The following MCF2L2 variants were observed in gnomAD, a reference collection of about 807,000 sequenced individuals.
MCF2L2 encodes the protein probable guanine nucleotide exchange factor MCF2L2.
Under a neutral mutation model 150.2 loss-of-function variants are expected in MCF2L2, and 102 were observed. The ratio of observed to expected loss-of-function variants is 0.68; its 90% CI spans 0.58 to 0.80. The LOEUF (loss-of-function observed/expected upper bound fraction) is 0.80. Ranked by LOEUF, MCF2L2 falls within the 30% of genes least tolerant of loss-of-function variation. MCF2L2 has a pLI of 0.00. For synonymous variants in MCF2L2, 465 were observed against 491.3 expected (o/e 0.95, Z 0.71); for missense variants, 1,256 against 1,372.8 (o/e 0.91, Z 1.34).
At chr3:183,241,729 G>C (rs759105245) in intron 15 of MCF2L2, among the ~76,000 whole-genome samples, 5 of 152,184 alleles carry the variant, frequency 3.3e-5, no homozygotes, top group African/African-American at 4.8e-5. Context: ...GGTAGAGTGG[G>C]GTGCTGCAGT....
intron 25 of MCF2L2, among the ~76,000 whole-genome samples, chr3:183,196,201 C>T (rs1431280293): frequency 6.6e-6 from 1 of 152,204 alleles, no homozygotes; most frequent in African/African-American, 2.4e-5. Flanking sequence ...TCCATAACAC[C>T]TGGATACAAT....
At chr3:183,413,871 T>C (rs190241545) in intron 1 of MCF2L2, among the ~76,000 whole-genome samples, 50 of 152,336 alleles carry the variant, frequency 3.3e-4, no homozygotes, top group African/African-American at 1.0e-3. Context: ...CCTCGTTGTC[T>C]TCACCTTAAG....
chr3:183,225,229 T>C (rs1350479807), intron 18 of MCF2L2: 2 of 152,272 alleles, frequency 1.3e-5, no homozygotes, highest in African/African-American at 4.8e-5. Context: ...AGGTTGTAAG[T>C]GGTCATTTCA....
chr3:183,409,551 CTTTTT>C (rs11336262), intron 1 of MCF2L2, among the ~76,000 whole-genome samples: 2 of 121,750 alleles, frequency 1.6e-5, no homozygotes, highest in Non-Finnish European at 3.4e-5. Flanking sequence ...GCTAAAATTT[CTTTTT>C]TTTTTTTTTT....
At chr3:183,348,624 A>T (rs1730993286) in intron 3 of MCF2L2, among the ~76,000 whole-genome samples, 1 of 152,180 alleles carries the variant, frequency 6.6e-6, no homozygotes, top group African/African-American at 2.4e-5. Context: ...ACTGCTTACA[A>T]AAGATACACT....
chr3:183,380,612 G>C (rs1050879741), intron 2 of MCF2L2, among the ~76,000 whole-genome samples: 1 of 152,124 alleles, frequency 6.6e-6, no homozygotes, highest in African/African-American at 2.4e-5. Context: ...ACGTTGGCCA[G>C]GCTGGTCTCA....
At chr3:183,366,395 C>A (rs574567523) in intron 3 of MCF2L2, among the ~76,000 whole-genome samples, 34 of 152,268 alleles carry the variant, frequency 2.2e-4, no homozygotes, top group African/African-American at 7.7e-4. Context: ...AATCCCAGCA[C>A]CGTGGGAGGC....
At chr3:183,338,103 TC>T (rs1331473696) in intron 5 of MCF2L2, among the ~76,000 whole-genome samples, 1 of 149,686 alleles carries the variant, frequency 6.7e-6, no homozygotes, top group African/African-American at 2.5e-5. Flanking sequence ...CTTTCTATCA[TC>T]TTAGACACCA....
intron 14 of MCF2L2, among the ~76,000 whole-genome samples, chr3:183,284,936 A>G (rs1727706264): frequency 6.6e-6 from 1 of 152,218 alleles, no homozygotes; most frequent in South Asian, 2.1e-4. Flanking sequence ...TAGACTTCAA[A>G]TATCACAGAA....
At chr3:183,217,775 A>G (rs1474564806) in intron 21 of MCF2L2, among the ~76,000 whole-genome samples, 1 of 152,182 alleles carries the variant, frequency 6.6e-6, no homozygotes, top group East Asian at 1.9e-4. Flanking sequence ...TGCCAAAGAG[A>G]TAAGCCAGCG....
Position 183,297,137 on chromosome 3 carries a change from G to A in MCF2L2, c.1336C>T (p.Leu446Phe). ...TTGTCTACAGCTTGGGAAGCCAAGA[G>A]GTAGATTCCTGCCTCACACCATTGG... Reference protein sequence around the residue: ...VSQWCEAGIYLLASQAVDKCQ... With the variant: ...VSQWCEAGIYFLASQAVDKCQ... Residue 446 changes from leucine (L) to phenylalanine (F), a missense_variant, in exon 12 of 30, where the codon CTC becomes TTC. Transcript: ENST00000328913. 1 of 1,614,072 alleles carries A rather than the reference G, an allele frequency of 6.2e-7. No individual in the cohort carries two copies. Among genetic ancestry groups the A allele is most frequent in the South Asian group, 1.1e-5 (1 of 91,072 alleles).
chr3:183,351,238 T>TATA (rs1560035100), intron 3 of MCF2L2, among the ~76,000 whole-genome samples: 79 of 57,516 alleles, frequency 1.4e-3, no homozygotes, highest in Non-Finnish European at 2.2e-3. Context: ...ATATATATAT[T>TATA]TATTTATTTA....
At chr3:183,383,746 T>C (rs1713670736) in intron 2 of MCF2L2, among the ~76,000 whole-genome samples, 1 of 152,218 alleles carries the variant, frequency 6.6e-6, no homozygotes, top group Non-Finnish European at 1.5e-5. Flanking sequence ...CTTTGATTCC[T>C]CCTTTACAGT....
intron 5 of MCF2L2, among the ~76,000 whole-genome samples, chr3:183,336,126 C>CGCGAACAAACTAA (rs1185302695): frequency 6.6e-6 from 1 of 151,934 alleles, no homozygotes; most frequent in Non-Finnish European, 1.5e-5. Flanking sequence ...TTTATTATAG[C>CGCGAACAAACTAA]GGCACGAACA....
At chr3:183,314,361 AT>A (rs1018727870) in intron 7 of MCF2L2, among the ~76,000 whole-genome samples, 2 of 152,038 alleles carry the variant, frequency 1.3e-5, no homozygotes, top group Non-Finnish European at 2.9e-5. Flanking sequence ...ATGTTTAGAG[AT>A]TTTTTTCTGT....
chr3:183,260,351 T>C (rs1489909387), intron 15 of MCF2L2, among the ~76,000 whole-genome samples: 1 of 151,872 alleles, frequency 6.6e-6, no homozygotes, highest in Non-Finnish European at 1.5e-5. Flanking sequence ...GTTTCTTAAG[T>C]AGGCAAGAAA....
intron 15 of MCF2L2, among the ~76,000 whole-genome samples, chr3:183,257,061 GA>G (rs1347834324): frequency 1.3e-5 from 2 of 150,814 alleles, no homozygotes; most frequent in Non-Finnish European, 1.5e-5. Context: ...AAAAAAACCT[GA>G]AAAAAAAATC....
intron 14 of MCF2L2, among the ~76,000 whole-genome samples, chr3:183,277,500 G>A (rs1727228616): frequency 6.6e-6 from 1 of 151,110 alleles, no homozygotes; most frequent in African/African-American, 2.4e-5. Flanking sequence ...TGGAAAAGTT[G>A]CACTCGCCCT....
Position 183,360,138 on chromosome 3 carries a change from T to C in MCF2L2, c.276-18508A>G, listed in dbSNP as rs573268229. Among the ~76,000 whole-genome samples the C allele has an allele frequency of 5.3e-5, 8 of 152,322 alleles. No individual in the cohort carries two copies. The South Asian group carries it at 1.2e-3, about 24-fold the overall frequency. On this transcript the variant is annotated intron_variant, in intron 3 of 29. Coordinates refer to ENST00000328913, the MANE Select transcript of MCF2L2 (RefSeq NM_015078.4). ...ACGGTGAAAATGTGTAATGGGCTTA[T>C]TGAAGGACTACAGCAGCTGCATTCA... is the stretch of plus-strand genomic sequence containing the variant.
Sources: allele counts gnomAD v4.1 joint callset (sites outside exome capture counted in the v4.1 genomes callset), GRCh38; gene constraint gnomAD v4.1.1; transcripts MANE v1.5; gene names NCBI Gene and HGNC (gene_info 2026-07-23, HGNC 2026-07-21).